Variants in MORC2 observed in about 807,000 individuals in gnomAD.
MORC2 encodes the protein MORC family CW-type zinc finger 2.
MORC2 carries 30 observed loss-of-function variants against 136.0 expected under a neutral mutation model. The ratio of observed to expected loss-of-function variants is 0.22; its 90% CI spans 0.17 to 0.30. The LOEUF is 0.30. Among genes scored for constraint, MORC2 ranks in the 10% least tolerant of loss-of-function variants. MORC2 has a pLI of 1.00. For missense variants in MORC2, 922 were observed against 1,333.1 expected (o/e 0.69, Z 4.80); for synonymous variants, 439 against 487.0 (o/e 0.90, Z 1.30).
chr22:30,945,344 C>T (rs886731652), intron 6 of MORC2, among the ~76,000 whole-genome samples: 1 of 152,232 alleles, frequency 6.6e-6, no homozygotes, highest in South Asian at 2.1e-4. Flanking sequence ...CCATTCCCTA[C>T]CTGAACAAGT....
At chr22:30,950,338 C>CACA in intron 4 of MORC2, 39 bp downstream of exon 4, 2 of 695,190 alleles carry the variant, frequency 2.9e-6, no homozygotes, top group East Asian at 2.5e-5. Context: ...GGTTACATCG[C>CACA]ACCCCCCCAC....
At chr22:30,962,178 C>A (rs1327628932) in intron 1 of MORC2, among the ~76,000 whole-genome samples, 2 of 150,794 alleles carry the variant, frequency 1.3e-5, no homozygotes, top group African/African-American at 2.4e-5. Flanking sequence ...CCACTGTACT[C>A]CAGCCTGGAC....
At chr22:30,933,078 C>G (rs766474517) in intron 21 of MORC2, 48 bp from the exon 22 acceptor site, 1 of 1,607,230 alleles carries the variant, frequency 6.2e-7, no homozygotes, top group Admixed American at 1.7e-5. Flanking sequence ...CGTAGAGTCC[C>G]TCACTTGGCC....
chr22:30,948,475 G>C (rs1252255071), intron 5 of MORC2, among the ~76,000 whole-genome samples: 1 of 152,210 alleles, frequency 6.6e-6, no homozygotes, highest in African/African-American at 2.4e-5. Flanking sequence ...AAACATCAAA[G>C]GAGGAGAAAT....
Position 30,932,524 on chromosome 22 carries a change from G to A in MORC2, c.2747+21C>T. On this transcript the variant is annotated intron_variant, in intron 23 of 25. Coordinates refer to ENST00000397641, the MANE Select transcript of MORC2 (RefSeq NM_001303256.3). This position sits in a 1 kb window ranked among gnomAD's most constrained non-coding sequence, Gnocchi z 4.4. ...AGAGCTGCTGCTGGCCCTGGGGTGG[G>A]AAGACAAAAGACACATGTACCGGAG... The A allele has an allele frequency of 2.5e-6, 4 of 1,613,622 alleles. No individual in the cohort carries two copies. The highest frequency in any genetic ancestry group is 3.4e-6 in the Non-Finnish European group (4 of 1,179,598).
At chr22:30,929,419 CAGT>C (rs1203268893) in intron 24 of MORC2, among the ~76,000 whole-genome samples, 1 of 152,084 alleles carries the variant, frequency 6.6e-6, no homozygotes, top group Non-Finnish European at 1.5e-5. Flanking sequence ...ACATAATGAA[CAGT>C]AGACTTTGTT....
In MORC2 at chr22:30,968,015, G is replaced by A. The variant is rs1222288281; in HGVS notation, c.-126C>T. The A allele has an allele frequency of 1.4e-5, 11 of 790,064 alleles. No individual in the cohort carries two copies. The highest frequency in any genetic ancestry group is 2.3e-5 in the Non-Finnish European group (11 of 477,588). 48.9% of individuals were successfully genotyped at this position (790,064 alleles called of 1,614,324 possible). A position where few individuals can be genotyped will look rare whatever the true frequency, so the allele number is the denominator to read the frequency against. ...TCTGTGCTCCTTAATGACAGTTAAA[G>A]TAACCTAGTAGCTATCCAAAATATA... On this transcript the variant is annotated 5_prime_UTR_variant, in exon 1 of 26. Coordinates refer to ENST00000397641, the MANE Select transcript of MORC2 (RefSeq NM_001303256.3).
chr22:30,949,890 C>G, intron 4 of MORC2, 48 bp from the exon 5 acceptor site: 1 of 1,564,406 alleles, frequency 6.4e-7, no homozygotes, highest in Non-Finnish European at 8.8e-7. Context: ...ATTTCTTTCC[C>G]AGGGTCCTCA....
chr22:30,945,604 G>A (rs766129463), intron 6 of MORC2, among the ~76,000 whole-genome samples: 8 of 152,226 alleles, frequency 5.3e-5, no homozygotes, highest in Non-Finnish European at 7.3e-5. Context: ...CCCACAATGA[G>A]GGGGCATAGA....
rs751986034 is a variant in MORC2 at position 30,926,752 on chromosome 22, G to T, written c.*51C>A. On this transcript the variant is annotated 3_prime_UTR_variant, in exon 26 of 26. Coordinates refer to ENST00000397641, the MANE Select transcript of MORC2 (RefSeq NM_001303256.3). ...ATGAATGAAGTCCCCTCCCCCTGCA[G>T]CTACAGGGTTGAGGGGCAGGTGGGC... is the stretch of plus-strand genomic sequence containing the variant. The T allele has an allele frequency of 2.0e-6, 3 of 1,493,532 alleles. No homozygotes were observed. Among genetic ancestry groups the T allele is most frequent in the South Asian group, 2.3e-5 (2 of 87,618 alleles). 92.5% of individuals were successfully genotyped at this position (1,493,532 alleles called of 1,614,324 possible). A position where few individuals can be genotyped will look rare whatever the true frequency, so the allele number is the denominator to read the frequency against.
In MORC2 at chr22:30,968,365, C is replaced by T. The variant is rs2041161804; in HGVS notation, c.-476G>A. ...AGAAAACTGATCAGCCATGTCTTCG[C>T]CACACGTGATGCCAGGATTCTTAAA... On this transcript the variant is annotated 5_prime_UTR_variant, in exon 1 of 26. Transcript: ENST00000397641. 6.5e-6 allele frequency: 1 copy of T among 154,950 alleles called. No individual in the cohort carries two copies. Among genetic ancestry groups the T allele is most frequent in the Admixed American group, 6.5e-5 (1 of 15,502 alleles). The allele number at this position is 154,950 out of a possible 1,614,324, so 9.6% of individuals were successfully genotyped here.
chr22:30,964,385 A>G (rs947430296), intron 1 of MORC2, among the ~76,000 whole-genome samples: 2 of 152,106 alleles, frequency 1.3e-5, no homozygotes, highest in African/African-American at 2.4e-5. Flanking sequence ...AACAAAACAA[A>G]AAACCCAGAA....
chr22:30,965,165 A>G (rs1177867708), intron 1 of MORC2, among the ~76,000 whole-genome samples: 2 of 152,218 alleles, frequency 1.3e-5, no homozygotes, highest in African/African-American at 4.8e-5. Context: ...TCATCTGGTC[A>G]CTGCTTCTAA....
intron 2 of MORC2, 73 bp downstream of exon 2, chr22:30,958,568 C>A: frequency 1.6e-6 from 2 of 1,248,834 alleles, no homozygotes; most frequent in South Asian, 1.4e-5. Flanking sequence ...CTCAAGTCTT[C>A]AGAGAGCAAA....
In MORC2 at chr22:30,934,849, C is replaced by T. The variant is rs1015638849; in HGVS notation, c.2125G>A (p.Val709Ile). 1.7e-5 allele frequency: 28 copies of T among 1,614,006 alleles called. No homozygotes were observed. Among genetic ancestry groups the T allele is most frequent in the African/African-American group, 9.3e-5 (7 of 74,882 alleles). The change falls in exon 19 of 26, where the codon GTT becomes ATT. Residue 709 changes from valine (V) to isoleucine (I), a missense_variant. Val to Ile is a conservative substitution (Grantham distance 29). Transcript: ENST00000397641. This position sits in a 1 kb window ranked among gnomAD's most constrained non-coding sequence, Gnocchi z 4.4. Reference protein sequence around the residue: ...LLPNSKSPREVPSPKVIKTPV... With the variant: ...LLPNSKSPREIPSPKVIKTPV... ...GTCTTGATGACTTTGGGAGAAGGAA[C>T]CTCCCGAGGGCTCTTGGAGTTGGGC...
At position 30,968,234 on chromosome 22, in the gene MORC2, T is replaced by C. The variant is rs367866701; in HGVS notation, c.-345A>G. The stretch of plus-strand genomic sequence containing the variant: ...GGTCCTGAAGGAGATGGTCCTTGAG[T>C]GGGTGGTTTATGACTGCTCCATCTT... On this transcript the variant is annotated 5_prime_UTR_variant, in exon 1 of 26. Transcript: ENST00000397641. The C allele has an allele frequency of 7.5e-4, 150 of 198,834 alleles. No individual in the cohort carries two copies. The highest frequency in any genetic ancestry group is 3.4e-3 in the African/African-American group (145 of 42,494). 12.3% of individuals were successfully genotyped at this position (198,834 alleles called of 1,614,324 possible).
chr22:30,945,066 G>A (rs1207474743), intron 6 of MORC2, among the ~76,000 whole-genome samples: 2 of 152,208 alleles, frequency 1.3e-5, no homozygotes, highest in Non-Finnish European at 2.9e-5. Flanking sequence ...AGGTGGCCCT[G>A]CAGCCAAGTC....
Position 30,941,209 on chromosome 22 carries a change from G to A in MORC2, c.824+224C>T, listed in dbSNP as rs536652816. Among the ~76,000 whole-genome samples the A allele has an allele frequency of 1.7e-4, 26 of 152,284 alleles. No individual in the cohort carries two copies. The highest frequency in any genetic ancestry group is 4.3e-4 in the African/African-American group (18 of 41,570). On this transcript the variant is annotated intron_variant, in intron 9 of 25. Transcript: ENST00000397641. The surrounding 1 kb of genome is among the most constrained non-coding windows in gnomAD (Gnocchi z 4.6). ...GGCAGGGCACCCTCCCTGTCACAGA[G>A]GCACACATACTCAATGAGCTTAGCC... is the stretch of plus-strand genomic sequence containing the variant.
intron 3 of MORC2, among the ~76,000 whole-genome samples, chr22:30,953,545 C>T (rs1386097592): frequency 6.6e-6 from 1 of 152,174 alleles, no homozygotes; most frequent in Non-Finnish European, 1.5e-5. Context: ...ATAATGGTGT[C>T]CCCAGGAGAG....
Sources: allele counts gnomAD v4.1 joint callset (sites outside exome capture counted in the v4.1 genomes callset), GRCh38; gene constraint gnomAD v4.1.1; non-coding constraint Gnocchi (gnomAD v3.1); transcripts MANE v1.5; gene names NCBI Gene and HGNC (gene_info 2026-07-23, HGNC 2026-07-21).